The following TIFA variants were observed in gnomAD, a reference collection of about 807,000 sequenced individuals.
TIFA encodes TRAF-interacting protein with FHA domain-containing protein A.
For missense variants in TIFA, 186 were observed against 215.2 expected (o/e 0.86, Z 0.85); for synonymous variants, 75 against 79.2 (o/e 0.95, Z 0.28).
At chr4:112,280,215 T>C (rs1727201514) in intron 1 of TIFA, among the ~76,000 whole-genome samples, 1 of 152,166 alleles carries the variant, frequency 6.6e-6, no homozygotes. Context: ...TGAGATTGAT[T>C]TGTAGTTTTA....
rs1204523326 is a variant in TIFA, at chr4:112,283,991, A to G, written c.-19+1649T>C. Among the ~76,000 whole-genome samples the G allele has an allele frequency of 3.9e-5, 6 of 152,248 alleles. No individual in the cohort carries two copies. In the South Asian group the frequency reaches 8.3e-4, roughly 21 times the overall value. On this transcript the variant is annotated intron_variant, in intron 1 of 1. Transcript: ENST00000361717. The stretch of plus-strand genomic sequence containing the variant: ...ACTGATTAATATCTGACAAACAATA[A>G]TATCTGTGTTAACAAAGGAAATACA...
chr4:112,280,779 T>C (rs1334530774), intron 1 of TIFA, among the ~76,000 whole-genome samples: 1 of 152,112 alleles, frequency 6.6e-6, no homozygotes, highest in African/African-American at 2.4e-5. Context: ...TTCTATTGAT[T>C]TGAAAATGCA....
intron 1 of TIFA, among the ~76,000 whole-genome samples, chr4:112,280,392 G>C (rs999984450): frequency 7.4e-6 from 1 of 134,322 alleles, no homozygotes; most frequent in African/African-American, 2.8e-5. Flanking sequence ...GCTGTCACTG[G>C]AGTGCAGTGT....
Position 112,278,107 on chromosome 4 carries a change from C to A in TIFA, c.310G>T (p.Gly104Cys). 1 of 1,613,918 alleles carries A rather than the reference C, an allele frequency of 6.2e-7. No individual in the cohort carries two copies. The highest frequency in any genetic ancestry group is 8.5e-7 in the Non-Finnish European group (1 of 1,180,014). ...TNLIVDSREL[G>C]YLNKMDLPYR... is the part of the protein sequence containing the mutation. ...GGCAGGTCCATTTTATTTAGGTAGC[C>A]CAGCTCTCTGCTGTCCACGATCAGA... is the stretch of plus-strand genomic sequence containing the variant. The change falls in exon 2 of 2, where the codon GGC becomes TGC. Residue 104 changes from glycine (G) to cysteine (C), a missense_variant. Physicochemically the swap from Gly to Cys is radical, Grantham distance 159. Transcript: ENST00000361717.
At chr4:112,281,864 A>AT (rs1279612662) in intron 1 of TIFA, 1 of 152,180 alleles carries the variant, frequency 6.6e-6, no homozygotes, top group African/African-American at 2.4e-5. Flanking sequence ...AGCCACTGAG[A>AT]TTTTTTAGGT....
chr4:112,276,833 G>T lies in TIFA; in HGVS notation c.*1029C>A, dbSNP rs1727124322. 6.6e-6 allele frequency: 1 copy of T among 152,070 alleles called. No individual in the cohort carries two copies. Among genetic ancestry groups the T allele is most frequent in the African/African-American group, 2.4e-5 (1 of 41,398 alleles). 9.4% of individuals were successfully genotyped at this position (152,070 alleles called of 1,614,324 possible). On this transcript the variant is annotated 3_prime_UTR_variant, in exon 2 of 2. Transcript: ENST00000361717. ...AATTGTACAGTGAGCCTCACTACCT[G>T]GCAATGCTACAATTTAACTTAACTG...
intron 1 of TIFA, among the ~76,000 whole-genome samples, chr4:112,279,799 C>T (rs549650076): frequency 5.9e-5 from 9 of 151,756 alleles, no homozygotes; most frequent in South Asian, 2.1e-4. Flanking sequence ...CCTGAGTAGC[C>T]GGGATTACAG....
At chr4:112,283,925 A>C (rs1015369036) in intron 1 of TIFA, among the ~76,000 whole-genome samples, 7 of 152,254 alleles carry the variant, frequency 4.6e-5, no homozygotes, top group African/African-American at 1.7e-4. Context: ...GTATTATTAA[A>C]GGGGTAAACT....
chr4:112,280,905 C>T (rs925428052), intron 1 of TIFA, among the ~76,000 whole-genome samples: 4 of 152,144 alleles, frequency 2.6e-5, no homozygotes, highest in African/African-American at 4.8e-5. Context: ...TCCTCAAAAT[C>T]CTGTGCTAGG....
rs1437036911 is a variant in TIFA, at chr4:112,275,890, C to A, written c.*1972G>T. 6.6e-6 allele frequency: 1 copy of A among 152,086 alleles called. No individual in the cohort carries two copies. The highest frequency in any genetic ancestry group is 1.5e-5 in the Non-Finnish European group (1 of 68,010). The allele number at this position is 152,086 out of a possible 1,614,324, so 9.4% of individuals were successfully genotyped here. A position where few individuals can be genotyped will look rare whatever the true frequency, so the allele number is the denominator to read the frequency against. On this transcript the variant is annotated 3_prime_UTR_variant, in exon 2 of 2. Transcript: ENST00000361717. ...CAGTATACACACATTAAAGTATATA[C>A]ACTTCACTCATAGAACGCCTTTACC...
intron 1 of TIFA, among the ~76,000 whole-genome samples, chr4:112,283,826 T>C (rs1349277742): frequency 1.3e-5 from 2 of 152,196 alleles, no homozygotes; most frequent in African/African-American, 4.8e-5. Context: ...TGCACTTCAA[T>C]ATCTATTCAA....
Position 112,277,635 on chromosome 4 carries a change from G to T in TIFA, c.*227C>A. 1 of 394,986 alleles carries T rather than the reference G, an allele frequency of 2.5e-6. No individual in the cohort carries two copies. Among genetic ancestry groups the T allele is most frequent in the Non-Finnish European group, 4.5e-6 (1 of 222,736 alleles). 24.5% of individuals were successfully genotyped at this position (394,986 alleles called of 1,614,324 possible). ...TACTTTTTGTATATTAATCCTCACAGATTAATAAGAGCAGTTAAAATAATT... is the reference window on the plus strand; with the variant it reads ...TACTTTTTGTATATTAATCCTCACATATTAATAAGAGCAGTTAAAATAATT... On this transcript the variant is annotated 3_prime_UTR_variant, in exon 2 of 2. Transcript: ENST00000361717.
intron 1 of TIFA, among the ~76,000 whole-genome samples, chr4:112,281,241 G>A (rs1578432335): frequency 6.6e-6 from 1 of 152,324 alleles, no homozygotes; most frequent in East Asian, 1.9e-4. Flanking sequence ...AAGGAGAACT[G>A]TATTAAAAAC....
chr4:112,281,805 A>C (rs1197455472), intron 1 of TIFA: 2 of 152,244 alleles, frequency 1.3e-5, no homozygotes, highest in African/African-American at 4.8e-5. Flanking sequence ...GAAGACAGAT[A>C]CATAAAGGAC....
chr4:112,279,676 CT>C (rs61156596), intron 1 of TIFA, among the ~76,000 whole-genome samples: 85,082 of 146,468 alleles, frequency 0.58, 25,224 homozygotes, highest in African/African-American at 0.77. Context: ...CTTTGTTCCT[CT>C]TTTTTTTTTT....
At chr4:112,284,059 GTC>G (rs1424330970) in intron 1 of TIFA, among the ~76,000 whole-genome samples, 1 of 152,200 alleles carries the variant, frequency 6.6e-6, no homozygotes, top group African/African-American at 2.4e-5. Context: ...TGGGAACTCT[GTC>G]TCTGAAAGCT....
chr4:112,277,821 G>A lies in TIFA; in HGVS notation c.*41C>T. ...TTAGTGTCTATACAGCATCTACAGA[G>A]CTCTTCATCCATCATATTTCTCCTC... On this transcript the variant is annotated 3_prime_UTR_variant, in exon 2 of 2. Coordinates refer to ENST00000361717, the MANE Select transcript of TIFA (RefSeq NM_052864.3). 2 of 1,529,700 alleles carry A rather than the reference G, an allele frequency of 1.3e-6. No individual in the cohort carries two copies. Among genetic ancestry groups the A allele is most frequent in the Non-Finnish European group, 1.8e-6 (2 of 1,138,718 alleles). The allele number at this position is 1,529,700 out of a possible 1,614,324, so 94.8% of individuals were successfully genotyped here.
intron 1 of TIFA, among the ~76,000 whole-genome samples, chr4:112,280,607 T>C (rs1417470377): frequency 6.6e-6 from 1 of 152,032 alleles, no homozygotes; most frequent in African/African-American, 2.4e-5. Context: ...ACCCTCGGTC[T>C]CTCAAAGTGC....
chr4:112,277,029 A>G lies in TIFA; in HGVS notation c.*833T>C, dbSNP rs1179407365. 1.3e-5 allele frequency: 2 copies of G among 152,234 alleles called. No individual in the cohort carries two copies. Among genetic ancestry groups the G allele is most frequent in the Admixed American group, 6.5e-5 (1 of 15,280 alleles). The allele number at this position is 152,234 out of a possible 1,614,324, so 9.4% of individuals were successfully genotyped here. On this transcript the variant is annotated 3_prime_UTR_variant, in exon 2 of 2. Transcript: ENST00000361717. ...AACATTCACATACATTTATCTCTGT[A>G]AAGTGGCCCAAGAACAGTTATTTCC...
Sources: gnomAD v4.1 joint callset for allele counts (sites outside exome capture counted in the v4.1 genomes callset) on GRCh38, gnomAD v4.1.1 for gene constraint, MANE v1.5 for transcripts, NCBI Gene and HGNC (gene_info 2026-07-23, HGNC 2026-07-21) for gene names.